The following LIMCH1 variants were observed in gnomAD, a reference collection of about 807,000 sequenced individuals.
The protein encoded by LIMCH1 is LIM and calponin homology domains-containing protein 1.
LIMCH1 carries 113 observed loss-of-function variants against 176.5 expected under a neutral mutation model. That is an observed-to-expected ratio of 0.64 (90% CI 0.55 to 0.75). LIMCH1 has a LOEUF of 0.75. Among genes scored for constraint, LIMCH1 ranks in the 30% least tolerant of loss-of-function variants. The pLI, the probability that LIMCH1 is intolerant of heterozygous loss-of-function variation, is 0.00. For missense variants in LIMCH1, 1,674 were observed against 1,814.9 expected (o/e 0.92, Z 1.41); for synonymous variants, 619 against 645.9 (o/e 0.96, Z 0.63).
chr4:41,643,627 T>A (rs968150897), intron 14 of LIMCH1, among the ~76,000 whole-genome samples: 2 of 152,188 alleles, frequency 1.3e-5, no homozygotes, highest in African/African-American at 4.8e-5. Context: ...ATATAAATTA[T>A]ATGTATGCAC....
Position 41,633,049 on chromosome 4 carries a change from C to G in LIMCH1, c.1793C>G (p.Ser598Ter). 1 of 1,535,930 alleles carries G rather than the reference C, an allele frequency of 6.5e-7. No individual in the cohort carries two copies. Among genetic ancestry groups the G allele is most frequent in the Non-Finnish European group, 8.7e-7 (1 of 1,146,880 alleles). The change falls in exon 12 of 32, where the codon TCA becomes TGA. Residue 598 changes from serine to a stop codon, truncating the protein, a stop_gained. Coordinates refer to ENST00000503057, the MANE Select transcript of LIMCH1 (RefSeq NM_001330672.2). LOFTEE classifies it high-confidence loss of function. ...GCTCCAAGAGATTCTGAGAGGCTGT[C>G]AAAGGCAGAAAGATCAGAGGACAGC... Reference protein sequence around the residue: ...ESAPRDSERLSKAERSEDSSQ... With the variant: ...ESAPRDSERL
At position 41,646,529 on chromosome 4, in the gene LIMCH1, G is replaced by C. The variant is rs201461213; in HGVS notation, c.2456G>C (p.Arg819Pro). 6.2e-7 allele frequency: 1 copy of C among 1,614,088 alleles called. No individual in the cohort carries two copies. The change falls in exon 17 of 32, where the codon CGG becomes CCG. Residue 819 changes from arginine (R) to proline (P), a missense_variant. Coordinates refer to ENST00000503057, the MANE Select transcript of LIMCH1 (RefSeq NM_001330672.2). ...CTGCATGAAGCATATAAGAACGCTC[G>C]GTCCCAGGAGGAGGCAGAGGGGATC... ...RELHEAYKNA[R>P]SQEEAEGILQ...
At chr4:41,607,888 A>G (rs889139184) in intron 4 of LIMCH1, among the ~76,000 whole-genome samples, 4 of 152,336 alleles carry the variant, frequency 2.6e-5, no homozygotes, top group African/African-American at 7.2e-5. Context: ...ATCTAGAGAG[A>G]AAATGACTTG....
chr4:41,591,472 G>A (rs1017306045), intron 1 of LIMCH1, among the ~76,000 whole-genome samples: 1 of 152,076 alleles, frequency 6.6e-6, no homozygotes, highest in Non-Finnish European at 1.5e-5. Flanking sequence ...TTGAACTTCT[G>A]GCCTCAAGGG....
At chr4:41,373,848 T>C (rs1336674676) in intron 1 of LIMCH1, among the ~76,000 whole-genome samples, 1 of 152,134 alleles carries the variant, frequency 6.6e-6, no homozygotes, top group Non-Finnish European at 1.5e-5. Context: ...GACTGGATCA[T>C]GGGGGCAAAT....
At chr4:41,661,767 A>G (rs1272709953) in intron 19 of LIMCH1, among the ~76,000 whole-genome samples, 1 of 152,194 alleles carries the variant, frequency 6.6e-6, no homozygotes, top group Non-Finnish European at 1.5e-5. Flanking sequence ...TTATCCCTAT[A>G]ATCATAAAGA....
chr4:41,406,706 A>G (rs745314894), intron 1 of LIMCH1, among the ~76,000 whole-genome samples: 28 of 152,236 alleles, frequency 1.8e-4, no homozygotes, highest in Non-Finnish European at 3.4e-4. Context: ...AAAGACACTG[A>G]CAAGATTTTT....
intron 1 of LIMCH1, among the ~76,000 whole-genome samples, chr4:41,424,157 C>G (rs2060871763): frequency 6.6e-6 from 1 of 152,112 alleles, no homozygotes; most frequent in Non-Finnish European, 1.5e-5. Flanking sequence ...CTTTCCCTCT[C>G]TCCCTCCCTC....
intron 14 of LIMCH1, among the ~76,000 whole-genome samples, chr4:41,639,963 ACAT>A (rs1396082519): frequency 6.6e-6 from 1 of 152,312 alleles, no homozygotes. Context: ...GAACATGCAA[ACAT>A]CATTTCCACC....
chr4:41,361,785 C>A (rs1031001091), intron 1 of LIMCH1, among the ~76,000 whole-genome samples: 1 of 152,142 alleles, frequency 6.6e-6, no homozygotes, highest in African/African-American at 2.4e-5. Flanking sequence ...AATGAACTGT[C>A]TGCGGGGTTC....
chr4:41,670,899 T>G (rs1264683717), intron 21 of LIMCH1: 1 of 1,482,296 alleles, frequency 6.7e-7, no homozygotes, highest in African/African-American at 1.4e-5. Flanking sequence ...GGGAAAAAAT[T>G]ATTTCTTATG....
chr4:41,606,859 C>T (rs376364315), intron 4 of LIMCH1, among the ~76,000 whole-genome samples: 3 of 152,242 alleles, frequency 2.0e-5, no homozygotes, highest in East Asian at 1.9e-4. Flanking sequence ...AGTGCAGTGG[C>T]GCAATCTCAG....
intron 1 of LIMCH1, among the ~76,000 whole-genome samples, chr4:41,371,759 G>A (rs1224081882): frequency 1.3e-5 from 2 of 152,186 alleles, no homozygotes; most frequent in African/African-American, 4.8e-5. Flanking sequence ...CCACATGATA[G>A]TTCTTCTTTT....
chr4:41,494,388 C>T, intron 1 of LIMCH1: 1 of 531,880 alleles, frequency 1.9e-6, no homozygotes, highest in South Asian at 2.3e-5. Flanking sequence ...CACATACATA[C>T]ATATACGTAC....
Position 41,613,550 on chromosome 4 carries a change from C to T in LIMCH1, c.94C>T (p.Leu32Phe), listed in dbSNP as rs1264500444. Residue 32 changes from leucine to phenylalanine, a missense_variant, in exon 5 of 32, where the codon CTC (leucine) becomes TTC (phenylalanine). Around this residue, in one of 3 missense-constraint regions of LIMCH1, gnomAD observed 655 missense variants for 692.2 expected, o/e 0.95. Coordinates refer to ENST00000503057, the MANE Select transcript of LIMCH1 (RefSeq NM_001330672.2). The stretch of plus-strand genomic sequence containing the variant: ...CTGGGATTCCGAGCGCAGCGACTCC[C>T]TCTCTCCTCCTCGCCACGGCAGAGA... ...DCWDSERSDS[L>F]SPPRHGRDDS... The T allele has an allele frequency of 1.2e-6, 2 of 1,614,016 alleles. No individual in the cohort carries two copies. Among genetic ancestry groups the T allele is most frequent in the Non-Finnish European group, 1.7e-6 (2 of 1,180,028 alleles).
At chr4:41,591,893 A>G (rs10009840) in intron 1 of LIMCH1, among the ~76,000 whole-genome samples, 13,159 of 152,248 alleles carry the variant, frequency 0.086, 1,861 homozygotes, top group African/African-American at 0.3. Context: ...GAACTACCAA[A>G]TGCAGGGTGT....
chr4:41,491,068 C>T (rs2070789675), intron 1 of LIMCH1, among the ~76,000 whole-genome samples: 1 of 145,396 alleles, frequency 6.9e-6, no homozygotes, highest in South Asian at 2.2e-4. Flanking sequence ...AGAGGTGCAC[C>T]TCACTTCCCA....
intron 17 of LIMCH1, 34 bp downstream of exon 17, chr4:41,646,927 T>G: frequency 6.4e-7 from 1 of 1,566,558 alleles, no homozygotes; most frequent in South Asian, 1.1e-5. Flanking sequence ...GAACCAAAGC[T>G]GAACTCCAGG....
At chr4:41,533,198 C>T (rs1253511986), upstream of LIMCH1, among the ~76,000 whole-genome samples, 1 of 152,168 alleles carries the variant, frequency 6.6e-6, no homozygotes, top group Non-Finnish European at 1.5e-5. Context: ...AGGGAGACAA[C>T]AAGTGAGATG....
Sources: allele counts gnomAD v4.1 joint callset (sites outside exome capture counted in the v4.1 genomes callset), GRCh38; gene constraint gnomAD v4.1.1; regional missense constraint gnomAD v4.1.1; transcripts MANE v1.5; gene names NCBI Gene and HGNC (gene_info 2026-07-23, HGNC 2026-07-21).